Variants in CFAP92 observed in about 807,000 individuals in gnomAD.
CFAP92 encodes cilia and flagella associated protein 92 (putative), also known as uncharacterized protein CFAP92.
Under a neutral mutation model 106.3 loss-of-function variants are expected in CFAP92, and 86 were observed. The observed-to-expected ratio is 0.81, with a 90% CI of 0.68 to 0.97. The LOEUF is 0.97. Ranked by LOEUF, CFAP92 falls within the 50% of genes least tolerant of loss-of-function variation. The pLI, the probability that CFAP92 is intolerant of heterozygous loss-of-function variation, is 0.00. For synonymous variants in CFAP92, 477 were observed against 506.4 expected (o/e 0.94, Z 0.78); for missense variants, 1,204 against 1,283.8 (o/e 0.94, Z 0.95).
intron 2 of CFAP92, chr3:128,991,698 A>G: frequency 1.1e-6 from 1 of 919,248 alleles, no homozygotes. Flanking sequence ...GCCTGCACCA[A>G]GGCGTTCATT....
upstream of CFAP92, among the ~76,000 whole-genome samples, chr3:128,997,320 T>C (rs188345435): frequency 6.6e-6 from 1 of 152,360 alleles, no homozygotes; most frequent in East Asian, 1.9e-4. Context: ...TTTATTGAAG[T>C]ATTTTTTATT....
intron 6 of CFAP92, among the ~76,000 whole-genome samples, chr3:128,976,712 T>C (rs1353254977): frequency 6.6e-6 from 1 of 152,198 alleles, no homozygotes; most frequent in African/African-American, 2.4e-5. Flanking sequence ...AATTACTCAG[T>C]CACCTTTTTA....
intron 8 of CFAP92, chr3:128,970,241 C>CA (rs367889241): frequency 0.046 from 6,421 of 140,800 alleles, 415 homozygotes; most frequent in African/African-American, 0.15. Context: ...GACCCTATCT[C>CA]AAAAAAAAAA....
intron 12 of CFAP92, among the ~76,000 whole-genome samples, chr3:128,929,586 A>G (rs1328251783): frequency 6.6e-6 from 1 of 152,264 alleles, no homozygotes; most frequent in Non-Finnish European, 1.5e-5. Flanking sequence ...ATATTTAGCA[A>G]TAAAAAAAGA....
At chr3:128,997,595 C>T (rs1480038331), upstream of CFAP92, among the ~76,000 whole-genome samples, 1 of 152,210 alleles carries the variant, frequency 6.6e-6, no homozygotes, top group African/African-American at 2.4e-5. Context: ...CTTTCACCTA[C>T]CGTTATGTTT....
intron 11 of CFAP92, among the ~76,000 whole-genome samples, chr3:128,933,538 C>T (rs563768334): frequency 6.6e-6 from 1 of 152,296 alleles, no homozygotes; most frequent in African/African-American, 2.4e-5. Context: ...TGGCTGTTGG[C>T]GGCTCACTGT....
intron 15 of CFAP92, chr3:128,910,768 G>A (rs1265036797): frequency 1.2e-6 from 2 of 1,614,196 alleles, no homozygotes; most frequent in Non-Finnish European, 8.5e-7. Flanking sequence ...CTTCTGCGTG[G>A]AAGCTTACTT....
At chr3:128,950,578 T>C (rs1483062118) in intron 9 of CFAP92, among the ~76,000 whole-genome samples, 1 of 152,158 alleles carries the variant, frequency 6.6e-6, no homozygotes, top group African/African-American at 2.4e-5. Context: ...GAACTCAGCA[T>C]GGGTGCAGCG....
At chr3:128,950,879 A>G (rs1323420868) in intron 9 of CFAP92, among the ~76,000 whole-genome samples, 1 of 152,196 alleles carries the variant, frequency 6.6e-6, no homozygotes, top group Non-Finnish European at 1.5e-5. Context: ...CTGTTTGCAA[A>G]AGCCATTTAG....
At chr3:128,961,919 C>T (rs1576538449) in intron 9 of CFAP92, among the ~76,000 whole-genome samples, 2 of 152,290 alleles carry the variant, frequency 1.3e-5, no homozygotes, top group Admixed American at 1.3e-4. Flanking sequence ...CAAGAACTTC[C>T]AAACGCCTGA....
chr3:128,929,411 T>G (rs1331485206), intron 12 of CFAP92, among the ~76,000 whole-genome samples: 5 of 152,198 alleles, frequency 3.3e-5, no homozygotes, highest in Admixed American at 3.3e-4. Flanking sequence ...GACCCAGCAA[T>G]TCCACTCCTA....
intron 9 of CFAP92, among the ~76,000 whole-genome samples, chr3:128,961,459 C>T (rs1037987299): frequency 2.7e-5 from 4 of 150,720 alleles, no homozygotes; most frequent in South Asian, 2.1e-4. Context: ...CCCTATAATC[C>T]TTTTATCACC....
At chr3:128,923,799 T>C (rs1250457619) in intron 12 of CFAP92, among the ~76,000 whole-genome samples, 1 of 152,170 alleles carries the variant, frequency 6.6e-6, no homozygotes, top group Non-Finnish European at 1.5e-5. Context: ...TTAAATGCCA[T>C]CTGGAGGGCA....
chr3:129,024,960 G>A, the CFAP92 span, among the ~76,000 whole-genome samples: 4 of 152,266 alleles, frequency 2.6e-5, no homozygotes, highest in East Asian at 1.9e-4. Context: ...CAAACCCAGC[G>A]GCCACTCTTT....
intron 12 of CFAP92, among the ~76,000 whole-genome samples, chr3:128,924,108 GAA>G (rs1226891614): frequency 6.6e-6 from 1 of 152,080 alleles, no homozygotes; most frequent in African/African-American, 2.4e-5. Flanking sequence ...TTACAAAAAA[GAA>G]AAGGGGGCAT....
rs1944842230 is a variant in CFAP92 at position 129,002,549 on chromosome 3, C to T, written n.117+25G>A. The T allele has an allele frequency of 5.8e-6, 5 of 863,812 alleles. No homozygotes were observed. The South Asian group carries it at 1.3e-4, about 22-fold the overall frequency. The allele number at this position is 863,812 out of a possible 1,614,324, so 53.5% of individuals were successfully genotyped here. On this transcript the variant is annotated intron_variant and non_coding_transcript_variant, in intron 1 of 4. Transcript: ENST00000510149. ...TACCACCTATTCCATTCCTGAAAAC[C>T]CCAATCACACTCAAACAACCATACC...
intron 4 of CFAP92, 24 bp from the exon 5 acceptor site, chr3:128,978,209 T>A: frequency 6.2e-7 from 1 of 1,604,722 alleles, no homozygotes; most frequent in Non-Finnish European, 8.5e-7. Flanking sequence ...GAAGAAAGGA[T>A]CATTGACTCA....
the CFAP92 span, among the ~76,000 whole-genome samples, chr3:129,014,688 C>T: frequency 9.2e-5 from 14 of 152,160 alleles, no homozygotes; most frequent in Non-Finnish European, 1.9e-4. This position sits in a 1 kb window ranked among gnomAD's most constrained non-coding sequence, Gnocchi z 4.3. Context: ...AGATGTGACC[C>T]TGGAATTGAG....
intron 12 of CFAP92, among the ~76,000 whole-genome samples, chr3:128,924,545 T>C (rs1337495105): frequency 6.7e-6 from 1 of 148,580 alleles, no homozygotes; most frequent in African/African-American, 2.5e-5. Context: ...CCTGGGTTCA[T>C]GTGATTCTCC....
Sources: gnomAD v4.1 joint callset for allele counts (sites outside exome capture counted in the v4.1 genomes callset) on GRCh38, gnomAD v4.1.1 for gene constraint, Gnocchi (gnomAD v3.1) non-coding constraint, MANE v1.5 for transcripts, NCBI Gene and HGNC (gene_info 2026-07-23, HGNC 2026-07-21) for gene names.